TMEM116: variants seen among roughly 807,000 people sequenced by gnomAD.
The protein encoded by TMEM116 is transmembrane protein 116.
Under a neutral mutation model 44.3 loss-of-function variants are expected in TMEM116, and 38 were observed. That is an observed-to-expected ratio of 0.86 (90% CI 0.66 to 1.12). The LOEUF (loss-of-function observed/expected upper bound fraction) is 1.12, where lower values mean the gene tolerates loss of function less well. Among genes scored for constraint, TMEM116 ranks in the 50% most tolerant of loss-of-function variants. The pLI, the probability that TMEM116 is intolerant of heterozygous loss-of-function variation, is 0.00. For synonymous variants in TMEM116, 132 were observed against 144.8 expected (o/e 0.91, Z 0.64); for missense variants, 354 against 401.7 (o/e 0.88, Z 1.01).
At chr12:111,940,565 G>A (rs145449355) in intron 5 of TMEM116, among the ~76,000 whole-genome samples, 18,492 of 127,020 alleles carry the variant, frequency 0.15, 1,673 homozygotes, top group East Asian at 0.39. Context: ...ATATATATGT[G>A]TGTATATATA....
intron 3 of TMEM116, chr12:111,993,277 C>T: frequency 2.2e-6 from 1 of 457,868 alleles, no homozygotes; most frequent in Middle Eastern, 3.7e-4. Flanking sequence ...CAGGTGGACC[C>T]CCAAAAGTAG....
intron 4 of TMEM116, among the ~76,000 whole-genome samples, chr12:111,955,783 T>C (rs1262174816): frequency 6.6e-6 from 1 of 152,182 alleles, no homozygotes; most frequent in African/African-American, 2.4e-5. Flanking sequence ...CTTTTCTATG[T>C]TTAGATATGC....
chr12:111,981,848 G>C (rs2075961184), intron 4 of TMEM116, among the ~76,000 whole-genome samples: 1 of 152,160 alleles, frequency 6.6e-6, no homozygotes, highest in African/African-American at 2.4e-5. Context: ...ATACTATTCA[G>C]CCTTTAAAAG....
chr12:111,971,348 T>C (rs2075322327), intron 4 of TMEM116, among the ~76,000 whole-genome samples: 1 of 152,034 alleles, frequency 6.6e-6, no homozygotes, highest in African/African-American at 2.4e-5. Context: ...GAAAAATGCA[T>C]GACAACAATA....
chr12:111,986,959 T>G (rs1382158183), intron 4 of TMEM116, among the ~76,000 whole-genome samples: 1 of 152,144 alleles, frequency 6.6e-6, no homozygotes, highest in East Asian at 1.9e-4. Context: ...AAAGAAAATA[T>G]AGCGTAAAAG....
chr12:111,946,638 A>G (rs1039233345), intron 4 of TMEM116, among the ~76,000 whole-genome samples: 5 of 152,212 alleles, frequency 3.3e-5, no homozygotes, highest in Non-Finnish European at 5.9e-5. Context: ...CAAACATGTC[A>G]CAGTGCTGCA....
intron 4 of TMEM116, among the ~76,000 whole-genome samples, chr12:111,946,201 T>C (rs1450171902): frequency 3.9e-5 from 6 of 152,196 alleles, no homozygotes; most frequent in Admixed American, 3.3e-4. Flanking sequence ...AATCCATACA[T>C]TCCCCTTGCC....
intron 6 of TMEM116, among the ~76,000 whole-genome samples, chr12:111,937,843 G>A (rs1178790280): frequency 6.6e-6 from 1 of 152,136 alleles, no homozygotes; most frequent in Non-Finnish European, 1.5e-5. Flanking sequence ...ATGATATCCT[G>A]AAGGCCATCT....
chr12:111,957,844 G>A (rs1406779380), intron 4 of TMEM116, among the ~76,000 whole-genome samples: 1 of 152,250 alleles, frequency 6.6e-6, no homozygotes, highest in African/African-American at 2.4e-5. Context: ...AGGGGGAAAT[G>A]TGGGGAAAAG....
At chr12:111,996,504 T>C (rs2076935671) in intron 3 of TMEM116, among the ~76,000 whole-genome samples, 1 of 152,022 alleles carries the variant, frequency 6.6e-6, no homozygotes, top group Non-Finnish European at 1.5e-5. Flanking sequence ...TACACACCCA[T>C]GGCAAAAATT....
chr12:111,955,600 T>C (rs1193073056), intron 4 of TMEM116, among the ~76,000 whole-genome samples: 1 of 152,208 alleles, frequency 6.6e-6, no homozygotes, highest in Non-Finnish European at 1.5e-5. Context: ...AACATCTTTT[T>C]ACTGGTTGGC....
At position 111,932,597 on chromosome 12, in the gene TMEM116, A is replaced by G; in HGVS notation, c.796T>C (p.Tyr266His). The G allele has an allele frequency of 6.2e-7, 1 of 1,614,060 alleles. No homozygotes were observed. Residue 266 changes from tyrosine to histidine, a missense_variant, in exon 10 of 11, where the codon TAT (tyrosine) becomes CAT (histidine). Transcript: ENST00000552374. ...GTTGAAGGTGTTACCTGGAGAACAT[A>G]AAGGGCCATGTGAAGCTTGGTGTCC... Reference protein sequence around the residue: ...PQDTKLHMALYVLQALTATSQ... With the variant: ...PQDTKLHMALHVLQALTATSQ...
intron 1 of TMEM116, among the ~76,000 whole-genome samples, chr12:112,009,430 G>A (rs2077733682): frequency 6.6e-6 from 1 of 151,306 alleles, no homozygotes; most frequent in Non-Finnish European, 1.5e-5. Context: ...CATATGTCAA[G>A]GATCTTAGTA....
At chr12:111,996,543 G>A (rs2076937171) in intron 3 of TMEM116, among the ~76,000 whole-genome samples, 1 of 152,056 alleles carries the variant, frequency 6.6e-6, no homozygotes, top group Non-Finnish European at 1.5e-5. Flanking sequence ...AGTATTAACG[G>A]GAACAAAAAG....
rs759583297 is a variant in TMEM116, at chr12:111,940,523, G to GTATATATA, written c.316-2321_316-2314dup. 5.7e-5 allele frequency among the ~76,000 whole-genome samples: 6 copies of GTATATATA among 104,934 alleles called. No homozygotes were observed. The Admixed American group carries it at 6.0e-4, about 10-fold the overall frequency. 68.8% of individuals were successfully genotyped at this position (104,934 alleles called of 152,430 possible). ...CATATATATACACACATATATATGT[G>GTATATATA]TATATATATATATATATATATACAC... is the stretch of plus-strand genomic sequence containing the variant. On this transcript the variant is annotated intron_variant, in intron 5 of 10. Transcript: ENST00000552374.
At chr12:111,954,164 G>A (rs2073930734) in intron 4 of TMEM116, among the ~76,000 whole-genome samples, 3 of 152,080 alleles carry the variant, frequency 2.0e-5, no homozygotes, top group Admixed American at 6.6e-5. Context: ...CAATAATAAT[G>A]TTACATAAAC....
intron 3 of TMEM116, 97 bp downstream of exon 3, chr12:112,003,703 A>G: frequency 7.0e-6 from 10 of 1,430,560 alleles, no homozygotes; most frequent in Non-Finnish European, 8.2e-6. Context: ...AAAGTAATTC[A>G]TAGAATTATT....
intron 3 of TMEM116, among the ~76,000 whole-genome samples, chr12:111,998,081 C>T (rs1243729946): frequency 6.6e-6 from 1 of 152,198 alleles, no homozygotes; most frequent in Non-Finnish European, 1.5e-5. Flanking sequence ...TACACACAGA[C>T]TGCGTGGTCT....
At chr12:111,935,325 G>A (rs2072056488) in intron 8 of TMEM116, 1 of 151,784 alleles carries the variant, frequency 6.6e-6, no homozygotes, top group Non-Finnish European at 1.5e-5. Context: ...TCAAACTCCT[G>A]AGCTCAGGCA....
Sources: allele counts gnomAD v4.1 joint callset (sites outside exome capture counted in the v4.1 genomes callset), GRCh38; gene constraint gnomAD v4.1.1; transcripts MANE v1.5; gene names NCBI Gene and HGNC (gene_info 2026-07-23, HGNC 2026-07-21).